ASPRV1: variants seen among roughly 807,000 people sequenced by gnomAD.
ASPRV1 encodes retroviral-like aspartic protease 1.
A neutral mutation model predicts 11.0 loss-of-function variants in ASPRV1; 7 were observed. That is an observed-to-expected ratio of 0.64 (90% CI 0.36 to 1.20). ASPRV1 has a LOEUF of 1.20. Among genes scored for constraint, ASPRV1 ranks in the 50% most tolerant of loss-of-function variants. The probability of loss-of-function intolerance (pLI) is 0.02; values close to 1 mark genes in which losing one functional copy is unlikely to be tolerated. For missense variants in ASPRV1, 299 were observed against 320.0 expected (o/e 0.93, Z 0.50); for synonymous variants, 136 against 138.4 (o/e 0.98, Z 0.12).
the ASPRV1 span, among the ~76,000 whole-genome samples, chr2:70,040,394 T>G: frequency 6.6e-6 from 1 of 152,160 alleles, no homozygotes; most frequent in African/African-American, 2.4e-5. Context: ...TTTTAAATTT[T>G]TATTCATTTA....
At chr2:70,046,251 A>C in the ASPRV1 span, 1 of 152,224 alleles carries the variant, frequency 6.6e-6, no homozygotes, top group Non-Finnish European at 1.5e-5. Context: ...CTTTGGACTC[A>C]AGCAACAGGA....
At chr2:69,948,834 C>T in the ASPRV1 span, among the ~76,000 whole-genome samples, 2 of 152,172 alleles carry the variant, frequency 1.3e-5, no homozygotes, top group Non-Finnish European at 2.9e-5. Context: ...CGGCTGACAG[C>T]ACTCAGGCCT....
At chr2:70,062,329 C>T in the ASPRV1 span, among the ~76,000 whole-genome samples, 1 of 151,966 alleles carries the variant, frequency 6.6e-6, no homozygotes, top group African/African-American at 2.4e-5. Context: ...TATATATGAT[C>T]TGGAGACCAG....
the ASPRV1 span, among the ~76,000 whole-genome samples, chr2:69,972,131 G>A: frequency 3.3e-5 from 5 of 151,326 alleles, no homozygotes; most frequent in Admixed American, 1.3e-4. Flanking sequence ...GCGCGATCTC[G>A]GCTCACTGCA....
At chr2:69,985,030 G>A in the ASPRV1 span, among the ~76,000 whole-genome samples, 2 of 152,006 alleles carry the variant, frequency 1.3e-5, no homozygotes, top group African/African-American at 4.8e-5. Flanking sequence ...CTAATTTTTT[G>A]TATTTTTAGT....
At chr2:69,982,061 ATCCAT>A in the ASPRV1 span, among the ~76,000 whole-genome samples, 1 of 151,464 alleles carries the variant, frequency 6.6e-6, no homozygotes, top group Non-Finnish European at 1.5e-5. Context: ...CCATCCATCC[ATCCAT>A]CCATCCATCC....
chr2:70,028,294 T>C, the ASPRV1 span: 1 of 152,126 alleles, frequency 6.6e-6, no homozygotes, highest in African/African-American at 2.4e-5. Context: ...AGAAGACAAC[T>C]TTCTAGTATT....
the ASPRV1 span, among the ~76,000 whole-genome samples, chr2:69,984,400 T>A: frequency 6.6e-6 from 1 of 152,262 alleles, no homozygotes; most frequent in South Asian, 2.1e-4. Context: ...TGATACCTCA[T>A]GCAAAACCTG....
chr2:70,046,505 G>C, the ASPRV1 span: 1 of 152,170 alleles, frequency 6.6e-6, no homozygotes, highest in Non-Finnish European at 1.5e-5. Context: ...ATAATCACCT[G>C]ACACATGTGC....
At chr2:69,993,895 A>C in the ASPRV1 span, 1 of 152,230 alleles carries the variant, frequency 6.6e-6, no homozygotes. Context: ...TTTGTTTTGC[A>C]GAGCGTTGGG....
the ASPRV1 span, chr2:70,071,741 C>T: frequency 1.3e-5 from 2 of 151,878 alleles, no homozygotes; most frequent in East Asian, 3.9e-4. Context: ...GACTCCGTCT[C>T]AAATATAAAT....
the ASPRV1 span, among the ~76,000 whole-genome samples, chr2:70,039,703 G>A: frequency 3.9e-5 from 6 of 152,174 alleles, no homozygotes; most frequent in African/African-American, 1.4e-4. Flanking sequence ...ACCTAAGGGT[G>A]GCCTTAGTCA....
At chr2:70,007,829 A>AT in the ASPRV1 span, among the ~76,000 whole-genome samples, 1 of 151,850 alleles carries the variant, frequency 6.6e-6, no homozygotes, top group Admixed American at 6.6e-5. Context: ...TACTATGAGT[A>AT]TGTATTTTTA....
the ASPRV1 span, among the ~76,000 whole-genome samples, chr2:69,978,212 A>G: frequency 6.6e-6 from 1 of 152,148 alleles, no homozygotes; most frequent in Admixed American, 6.5e-5. Context: ...CCCCCAGAGA[A>G]GCTTCTTCCC....
chr2:70,064,404 GAC>G, the ASPRV1 span, among the ~76,000 whole-genome samples: 238 of 152,188 alleles, frequency 1.6e-3, 1 homozygote, highest in African/African-American at 5.5e-3. Context: ...TCTAGTGAAG[GAC>G]ACAGACAACA....
At chr2:70,043,147 T>C in the ASPRV1 span, among the ~76,000 whole-genome samples, 1 of 152,038 alleles carries the variant, frequency 6.6e-6, no homozygotes, top group Non-Finnish European at 1.5e-5. Flanking sequence ...TTGGAAGAAC[T>C]CAGGCCAAAA....
chr2:69,962,997 G>A, upstream of ASPRV1: 1 of 318,290 alleles, frequency 3.1e-6, no homozygotes, highest in Non-Finnish European at 6.3e-6. Flanking sequence ...CTCTGGGGCT[G>A]TTTTTCCTGG....
chr2:69,932,914 T>G, the ASPRV1 span, among the ~76,000 whole-genome samples: 2 of 152,160 alleles, frequency 1.3e-5, no homozygotes, highest in East Asian at 3.9e-4. Flanking sequence ...GAACTTTTTC[T>G]TCTAATTGGA....
the ASPRV1 span, chr2:69,976,219 G>C: frequency 1.3e-5 from 2 of 152,460 alleles, no homozygotes; most frequent in South Asian, 4.1e-4. Context: ...TTCCGTTCCA[G>C]ACCCAGTGCT....
Sources: allele counts gnomAD v4.1 joint callset (sites outside exome capture counted in the v4.1 genomes callset), GRCh38; gene constraint gnomAD v4.1.1; transcripts MANE v1.5; gene names NCBI Gene and HGNC (gene_info 2026-07-23, HGNC 2026-07-21).